The following PHC3 variants were observed in gnomAD, a reference collection of about 807,000 sequenced individuals.
The protein encoded by PHC3 is polyhomeotic homolog 3, also known as polyhomeotic-like protein 3.
Under a neutral mutation model 107.4 loss-of-function variants are expected in PHC3, and 13 were observed. The observed-to-expected ratio is 0.12, with a 90% CI of 0.08 to 0.19. PHC3 has a LOEUF of 0.19. Ranked by LOEUF, PHC3 falls within the 10% of genes least tolerant of loss-of-function variation. The pLI is 1.00. For missense variants in PHC3, 992 were observed against 1,210.9 expected, an observed-to-expected ratio of 0.82 and a Z score of 2.68; for synonymous variants, 456 against 427.4, an observed-to-expected ratio of 1.07 and a Z score of -0.83.
At chr3:170,127,322 C>CTA (rs1721483905) in intron 8 of PHC3, among the ~76,000 whole-genome samples, 1 of 152,164 alleles carries the variant, frequency 6.6e-6, no homozygotes, top group Non-Finnish European at 1.5e-5. Flanking sequence ...ATGGCCACCA[C>CTA]TCCCGGGTAA....
At chr3:170,131,976 G>A (rs1722327668) in intron 7 of PHC3, among the ~76,000 whole-genome samples, 1 of 152,122 alleles carries the variant, frequency 6.6e-6, no homozygotes, top group Non-Finnish European at 1.5e-5. Context: ...ATCAAAGTGT[G>A]TTTATTTTTA....
At chr3:170,143,586 G>T (rs913170117) in intron 6 of PHC3, among the ~76,000 whole-genome samples, 2 of 152,088 alleles carry the variant, frequency 1.3e-5, no homozygotes, top group African/African-American at 4.8e-5. Flanking sequence ...TCTGCCATAT[G>T]CAGTCTAAAA....
chr3:170,103,089 G>A (rs1167554911), intron 12 of PHC3, among the ~76,000 whole-genome samples, 155 bp from the exon 13 acceptor site: 3 of 152,120 alleles, frequency 2.0e-5, no homozygotes, highest in Non-Finnish European at 4.4e-5. Context: ...CTGTTCAATG[G>A]ATTTACTTAT....
chr3:170,181,053 C>A (rs775246105), intron 1 of PHC3, among the ~76,000 whole-genome samples: 24 of 152,246 alleles, frequency 1.6e-4, no homozygotes, highest in Non-Finnish European at 3.5e-4. Context: ...CACCGACACA[C>A]AAGAATGTGG....
chr3:170,122,646 T>C lies in PHC3; in HGVS notation c.1887A>G (p.Pro629=), dbSNP rs375488793. Residue 629 remains proline (P), a synonymous_variant, in exon 9 of 15, where the codon CCA becomes CCG. Transcript: ENST00000495893. ...CTCCTCTCCCCACTGTTATAGCTGC[T>C]GGAGACAAAGTGGGTGGTGGTGGGG... The part of the protein sequence containing the change: ...DRTPPPPTLS[P]AAITVGRGED... 5.0e-6 allele frequency: 8 copies of C among 1,613,870 alleles called. No individual in the cohort carries two copies. In the African/African-American group the frequency reaches 9.3e-5, roughly 19 times the overall value.
intron 7 of PHC3, 26 bp downstream of exon 7, chr3:170,136,393 T>C (rs1263696044): frequency 1.2e-6 from 2 of 1,612,094 alleles, no homozygotes; most frequent in Non-Finnish European, 1.7e-6. Context: ...ATAATACAAC[T>C]ATTTTCAACA....
At chr3:170,166,856 C>T (rs1323477625) in intron 4 of PHC3, among the ~76,000 whole-genome samples, 2 of 151,586 alleles carry the variant, frequency 1.3e-5, no homozygotes, top group African/African-American at 4.8e-5. Flanking sequence ...ATGGGGTCTA[C>T]GTTGCCCAGG....
chr3:170,107,048 G>T, intron 11 of PHC3, 102 bp from the exon 12 acceptor site: 1 of 676,794 alleles, frequency 1.5e-6, no homozygotes, highest in Non-Finnish European at 2.4e-6. Flanking sequence ...CAAACCAATG[G>T]CCCTTTAACT....
In PHC3 at chr3:170,095,056, C is replaced by T. The variant is rs1472226945; in HGVS notation, c.*2174G>A. 6.6e-6 allele frequency: 1 copy of T among 152,084 alleles called. No homozygotes were observed. Among genetic ancestry groups the T allele is most frequent in the Non-Finnish European group, 1.5e-5 (1 of 68,014 alleles). 9.4% of individuals were successfully genotyped at this position (152,084 alleles called of 1,614,324 possible). A position where few individuals can be genotyped will look rare whatever the true frequency, so the allele number is the denominator to read the frequency against. ...ATCTATGAAAAGTTTTAATTCCAGG[C>T]GAGATTTTCCGTTGCACCTCTCTCT... On this transcript the variant is annotated 3_prime_UTR_variant, in exon 15 of 15. Coordinates refer to ENST00000495893, the MANE Select transcript of PHC3 (RefSeq NM_024947.4).
chr3:170,181,621 T>G, intron 1 of PHC3, 81 bp downstream of exon 1: 2 of 1,601,626 alleles, frequency 1.2e-6, no homozygotes, highest in Non-Finnish European at 1.7e-6. Flanking sequence ...AAAAGAGCCC[T>G]GAGCTTTCCC....
chr3:170,126,528 A>ATATTTTTTTTTTTTTT (rs370421296), intron 8 of PHC3, among the ~76,000 whole-genome samples: 2 of 90,638 alleles, frequency 2.2e-5, no homozygotes, highest in Non-Finnish European at 4.2e-5. Context: ...ATATATATAT[A>ATATTTTTTTTTTTTTT]TTTTTTTTTT....
At chr3:170,129,681 C>T in intron 7 of PHC3, 129 bp from the exon 8 acceptor site, 2 of 984,698 alleles carry the variant, frequency 2.0e-6, no homozygotes, top group Non-Finnish European at 2.9e-6. Context: ...GTTTTCCAAA[C>T]AAGAGTAATT....
intron 2 of PHC3, among the ~76,000 whole-genome samples, chr3:170,177,344 G>A (rs1012231957): frequency 6.6e-6 from 1 of 152,020 alleles, no homozygotes; most frequent in African/African-American, 2.4e-5. Flanking sequence ...ACTACATGCT[G>A]ACAAATGTAA....
At position 170,117,479 on chromosome 3, in the gene PHC3, GA is replaced by G. The variant is rs150242411; in HGVS notation, c.1943-4del. ...CACAGCAGGTAATTCCACTTGCTCT[GA>G]AAAAAAAACCAAAAAGTCATTTAAA... On this transcript the variant is annotated splice_polypyrimidine_tract_variant and splice_region_variant and intron_variant, in intron 9 of 14. Transcript: ENST00000495893. 15 of 1,555,906 alleles carry G rather than the reference GA, an allele frequency of 9.6e-6. No homozygotes were observed. Among genetic ancestry groups the G allele is most frequent in the Admixed American group, 6.0e-5 (3 of 49,610 alleles).
chr3:170,170,576 G>C (rs1245568594), intron 4 of PHC3: 1 of 151,568 alleles, frequency 6.6e-6, no homozygotes, highest in East Asian at 1.9e-4. Flanking sequence ...AAAAACAATA[G>C]CCTTGTTCTT....
At chr3:170,102,413 G>T (rs970355544) in intron 14 of PHC3, 66 bp downstream of exon 14, 2 of 1,554,820 alleles carry the variant, frequency 1.3e-6, no homozygotes, top group East Asian at 2.4e-5. Context: ...AGGTGTGGAT[G>T]TATCTAACAT....
chr3:170,112,258 T>C (rs905430200), intron 11 of PHC3, among the ~76,000 whole-genome samples: 2 of 152,070 alleles, frequency 1.3e-5, no homozygotes, highest in African/African-American at 4.8e-5. Context: ...GTCGCCAGGC[T>C]GGAGTGCAGT....
At chr3:170,156,760 C>T (rs957947135) in intron 4 of PHC3, among the ~76,000 whole-genome samples, 12 of 151,900 alleles carry the variant, frequency 7.9e-5, no homozygotes, top group African/African-American at 2.9e-4. Context: ...CCATGCCTGG[C>T]TAATTTTTGC....
At chr3:170,136,777 G>T in intron 6 of PHC3, 112 bp from the exon 7 acceptor site, 1 of 1,139,928 alleles carries the variant, frequency 8.8e-7, no homozygotes, top group Non-Finnish European at 1.2e-6. Flanking sequence ...CTTTTCATAC[G>T]TAAAGCTCCA....
Sources: allele counts gnomAD v4.1 joint callset (sites outside exome capture counted in the v4.1 genomes callset), GRCh38; gene constraint gnomAD v4.1.1; transcripts MANE v1.5; gene names NCBI Gene and HGNC (gene_info 2026-07-23, HGNC 2026-07-21).